Variants in TUSC3 observed in about 807,000 individuals in gnomAD.
The protein encoded by TUSC3 is tumor suppressor candidate 3, also known as dolichyl-diphosphooligosaccharide--protein glycosyltransferase subunit TUSC3.
Under a neutral mutation model 44.8 loss-of-function variants are expected in TUSC3, and 45 were observed. The ratio of observed to expected loss-of-function variants is 1.00; its 90% CI spans 0.79 to 1.29. The LOEUF (loss-of-function observed/expected upper bound fraction) is 1.29, where lower values mean the gene tolerates loss of function less well. Among genes scored for constraint, TUSC3 ranks in the 50% most tolerant of loss-of-function variants. TUSC3 has a pLI of 0.00. For missense variants in TUSC3, 519 were observed against 437.9 expected, an observed-to-expected ratio of 1.19 and a Z score of -1.65; for synonymous variants, 212 against 152.9, an observed-to-expected ratio of 1.39 and a Z score of -2.85.
intron 2 of TUSC3, among the ~76,000 whole-genome samples, chr8:15,488,983 A>C (rs539775152): frequency 6.6e-6 from 1 of 152,190 alleles, no homozygotes; most frequent in Non-Finnish European, 1.5e-5. Flanking sequence ...TTGGCTATTC[A>C]GGATAGAGTG....
intron 2 of TUSC3, among the ~76,000 whole-genome samples, chr8:15,639,945 C>G (rs1806287934): frequency 6.6e-6 from 1 of 152,104 alleles, no homozygotes; most frequent in Non-Finnish European, 1.5e-5. Flanking sequence ...CAGTGATTAT[C>G]ATGTGCCCAT....
chr8:15,527,997 G>C lies in TUSC3; in HGVS notation n.189+44514G>C, dbSNP rs10101041. On this transcript the variant is annotated intron_variant and non_coding_transcript_variant, in intron 2 of 5. Coordinates refer to the TUSC3 transcript ENST00000503191. ...TAAATAGAGCTTCTTGGTAAGTCCT[G>C]GTTTTAGCACAGATAAATATTCTTT... 2.9e-3 allele frequency among the ~76,000 whole-genome samples: 445 copies of C among 152,138 alleles called. 4 individuals carry two copies. The highest frequency in any genetic ancestry group is 0.01 in the African/African-American group (429 of 41,520).
chr8:15,583,840 A>T (rs532997198), intron 1 of TUSC3, among the ~76,000 whole-genome samples: 1 of 152,198 alleles, frequency 6.6e-6, no homozygotes, highest in African/African-American at 2.4e-5. Flanking sequence ...CCAGAAAAAA[A>T]CCACAAACCC....
intron 3 of TUSC3, among the ~76,000 whole-genome samples, chr8:15,652,452 A>G (rs373510123): frequency 6.6e-6 from 1 of 152,028 alleles, no homozygotes; most frequent in East Asian, 1.9e-4. Flanking sequence ...ATTTCTTTAT[A>G]TTCATCTATT....
At chr8:15,555,993 AT>A (rs751666227) in intron 1 of TUSC3, among the ~76,000 whole-genome samples, 6 of 150,742 alleles carry the variant, frequency 4.0e-5, no homozygotes, top group African/African-American at 1.5e-4. Flanking sequence ...TTTATTTTTT[AT>A]TTTTTTATTT....
rs1812089974 is a variant in TUSC3 at position 15,759,674 on chromosome 8, A to G, written c.*46+1819A>G. ...GACAAGCCCCTCTTGGAAACTTCAT[A>G]CCCTGGATTTTGTAACATGGCATTC... On this transcript the variant is annotated intron_variant, in intron 10 of 10. Coordinates refer to ENST00000503731, the MANE Select transcript of TUSC3 (RefSeq NM_006765.4). Among the ~76,000 whole-genome samples, 3 of 151,902 alleles carry G rather than the reference A, an allele frequency of 2.0e-5. No homozygotes were observed. The South Asian group carries it at 6.2e-4, about 32-fold the overall frequency.
chr8:15,608,377 C>A (rs1804620579), intron 1 of TUSC3, among the ~76,000 whole-genome samples: 1 of 151,864 alleles, frequency 6.6e-6, no homozygotes, highest in Non-Finnish European at 1.5e-5. Flanking sequence ...AGTTGTTTGT[C>A]TTATAGGGAT....
At chr8:15,666,133 A>G (rs1035818026) in intron 5 of TUSC3, among the ~76,000 whole-genome samples, 2 of 151,520 alleles carry the variant, frequency 1.3e-5, no homozygotes, top group African/African-American at 4.8e-5. Flanking sequence ...ATGAGTTAAA[A>G]TTGTATGTTT....
chr8:15,810,112 C>T, the TUSC3 span, among the ~76,000 whole-genome samples: 1 of 151,994 alleles, frequency 6.6e-6, no homozygotes, highest in Admixed American at 6.6e-5. Context: ...TGTCCTTGGA[C>T]CAGCAGCAGA....
At chr8:15,622,581 A>G (rs2129164043) in intron 1 of TUSC3, among the ~76,000 whole-genome samples, 1 of 152,312 alleles carries the variant, frequency 6.6e-6, no homozygotes, top group African/African-American at 2.4e-5. Flanking sequence ...TTAGCACAGT[A>G]CATCAGTTTT....
At chr8:15,544,181 T>A (rs990382178) in intron 1 of TUSC3, among the ~76,000 whole-genome samples, 3 of 152,132 alleles carry the variant, frequency 2.0e-5, no homozygotes, top group African/African-American at 7.2e-5. Flanking sequence ...AGACTTTGGC[T>A]TTTTAGTAGT....
the TUSC3 span, among the ~76,000 whole-genome samples, chr8:15,796,973 G>T: frequency 6.6e-6 from 1 of 152,204 alleles, no homozygotes. Flanking sequence ...GCTACTTGGA[G>T]CCTCTGGTAG....
the TUSC3 span, among the ~76,000 whole-genome samples, chr8:15,851,053 A>G: frequency 6.6e-6 from 1 of 152,176 alleles, no homozygotes; most frequent in African/African-American, 2.4e-5. Flanking sequence ...AACAGGTGTA[A>G]CGTGTCTAAG....
the TUSC3 span, among the ~76,000 whole-genome samples, chr8:15,802,836 T>A: frequency 9.9e-5 from 15 of 151,914 alleles, no homozygotes; most frequent in African/African-American, 1.7e-4. Context: ...CGTGGCTAAA[T>A]GTAGCAGAAA....
At chr8:15,449,598 T>C (rs1157537947) in intron 1 of TUSC3, among the ~76,000 whole-genome samples, 4 of 152,136 alleles carry the variant, frequency 2.6e-5, no homozygotes, top group African/African-American at 7.2e-5. Flanking sequence ...AAAAGCCTAA[T>C]GGAGGTTATT....
At chr8:15,850,111 C>T in the TUSC3 span, among the ~76,000 whole-genome samples, 9 of 145,324 alleles carry the variant, frequency 6.2e-5, no homozygotes, top group Non-Finnish European at 1.1e-4. Context: ...CTTGTTTATC[C>T]TTTTTTTTTT....
At chr8:15,619,496 T>TA (rs1387665649) in intron 1 of TUSC3, among the ~76,000 whole-genome samples, 1 of 128,816 alleles carries the variant, frequency 7.8e-6, no homozygotes, top group Admixed American at 7.9e-5. Context: ...ATTCCATATA[T>TA]TTTTTTTTTT....
At chr8:15,692,520 C>T (rs55812025) in intron 6 of TUSC3, among the ~76,000 whole-genome samples, 33 of 150,508 alleles carry the variant, frequency 2.2e-4, no homozygotes, top group Non-Finnish European at 3.8e-4. Flanking sequence ...TATTCAATTT[C>T]AAAACTTATT....
chr8:15,778,174 T>A, the TUSC3 span, among the ~76,000 whole-genome samples: 1 of 151,942 alleles, frequency 6.6e-6, no homozygotes, highest in Non-Finnish European at 1.5e-5. Flanking sequence ...TAATTAGGAA[T>A]TACTTCTTAA....
Sources: allele counts gnomAD v4.1 joint callset (sites outside exome capture counted in the v4.1 genomes callset), GRCh38; gene constraint gnomAD v4.1.1; transcripts MANE v1.5; gene names NCBI Gene and HGNC (gene_info 2026-07-23, HGNC 2026-07-21).